The following CDH13 variants were observed in gnomAD, a reference collection of about 807,000 sequenced individuals.
CDH13 encodes cadherin 13, also known as cadherin-13.
Under a neutral mutation model 63.8 loss-of-function variants are expected in CDH13, and 24 were observed. The observed-to-expected ratio is 0.38, with a 90% CI of 0.27 to 0.53. The LOEUF is 0.53. Ranked by LOEUF, CDH13 falls within the 20% of genes least tolerant of loss-of-function variation. The probability of loss-of-function intolerance (pLI) is 0.85; values close to 1 mark genes in which losing one functional copy is unlikely to be tolerated. For missense variants in CDH13, 1,049 were observed against 903.1 expected (o/e 1.16, Z -2.07); for synonymous variants, 503 against 355.3 (o/e 1.42, Z -4.67).
chr16:83,530,942 A>G (rs866597458), intron 7 of CDH13, among the ~76,000 whole-genome samples: 1 of 152,170 alleles, frequency 6.6e-6, no homozygotes. Context: ...TTCATGTTTT[A>G]GCTTTGTGAC....
At chr16:82,639,533 G>A in intron 1 of CDH13, 1 of 1,061,690 alleles carries the variant, frequency 9.4e-7, no homozygotes, top group Non-Finnish European at 1.4e-6. Context: ...AAGAAACCCT[G>A]TTGCCTAAGT....
chr16:83,356,254 G>A (rs12921142), intron 6 of CDH13, among the ~76,000 whole-genome samples: 2,428 of 149,358 alleles, frequency 0.016, 73 homozygotes, highest in African/African-American at 0.057. Flanking sequence ...GTGTGTGTGT[G>A]TGTGTGTGTG....
intron 3 of CDH13, among the ~76,000 whole-genome samples, chr16:83,059,635 C>T (rs913389361): frequency 6.6e-6 from 1 of 152,098 alleles, no homozygotes; most frequent in Admixed American, 6.6e-5. Flanking sequence ...CATGACAAGT[C>T]AGTCAGGAGA....
intron 6 of CDH13, among the ~76,000 whole-genome samples, chr16:83,440,373 TG>T (rs2072445390): frequency 6.6e-6 from 1 of 151,988 alleles, no homozygotes; most frequent in Non-Finnish European, 1.5e-5. Context: ...GAGCTCCAAG[TG>T]GGGGCCAGAG....
chr16:83,389,786 A>G (rs1471836690), intron 6 of CDH13, among the ~76,000 whole-genome samples: 1 of 152,216 alleles, frequency 6.6e-6, no homozygotes. Context: ...CCACTTTGCC[A>G]GGTGAGTCTG....
chr16:82,685,264 C>T (rs905045984), intron 1 of CDH13, among the ~76,000 whole-genome samples: 1 of 152,142 alleles, frequency 6.6e-6, no homozygotes, highest in African/African-American at 2.4e-5. Flanking sequence ...ATCAAAGCGC[C>T]AACAGATTTA....
intron 2 of CDH13, among the ~76,000 whole-genome samples, chr16:82,863,375 G>A (rs753938389): frequency 6.6e-6 from 1 of 152,150 alleles, no homozygotes; most frequent in Non-Finnish European, 1.5e-5. Flanking sequence ...ACTAGGGGAG[G>A]GACAGCACCT....
At chr16:83,603,758 G>T (rs1598356940) in intron 8 of CDH13, among the ~76,000 whole-genome samples, 1 of 152,142 alleles carries the variant, frequency 6.6e-6, no homozygotes, top group Non-Finnish European at 1.5e-5. Flanking sequence ...TTCTCACACT[G>T]CTATAAAGAA....
chr16:82,863,038 C>T (rs12596959), intron 2 of CDH13, among the ~76,000 whole-genome samples: 13,665 of 152,242 alleles, frequency 0.09, 1,901 homozygotes, highest in East Asian at 0.69. Context: ...CTAATCATGT[C>T]GCCAACCTAA....
intron 5 of CDH13, among the ~76,000 whole-genome samples, chr16:83,251,660 A>G (rs777105483): frequency 4.6e-5 from 7 of 152,250 alleles, no homozygotes; most frequent in Non-Finnish European, 7.3e-5. Context: ...GTCTGTGGCC[A>G]TTGGCGTAGG....
chr16:83,674,288 C>T (rs922780731), intron 9 of CDH13, among the ~76,000 whole-genome samples: 8 of 152,198 alleles, frequency 5.3e-5, no homozygotes, highest in Non-Finnish European at 2.9e-5. Flanking sequence ...GCCTCAGATG[C>T]TTTTGACATT....
chr16:82,714,712 TAAAAAAAAA>T (rs71146088), intron 1 of CDH13, among the ~76,000 whole-genome samples: 125 of 30,018 alleles, frequency 4.2e-3, no homozygotes, highest in African/African-American at 0.012. Flanking sequence ...AGACTCCATC[TAAAAAAAAA>T]AAAAAAAAAA....
At chr16:83,252,776 C>T (rs996415991) in intron 5 of CDH13, among the ~76,000 whole-genome samples, 7 of 152,124 alleles carry the variant, frequency 4.6e-5, no homozygotes, top group Admixed American at 6.5e-5. Flanking sequence ...AGTATCCTAC[C>T]GTTCACAGCA....
rs1356448878 is a variant in CDH13 at position 83,062,589 on chromosome 16, G to C, written c.366+30371G>C. ...TCTATGTAACAGGAAGCAAGGAAGTGATCGTCAGAATAACTGCAAGATGAC... is the reference window on the plus strand; with the variant it reads ...TCTATGTAACAGGAAGCAAGGAAGTCATCGTCAGAATAACTGCAAGATGAC... On this transcript the variant is annotated intron_variant, in intron 3 of 13. Transcript: ENST00000567109. 2.6e-5 allele frequency among the ~76,000 whole-genome samples: 4 copies of C among 152,336 alleles called. No individual in the cohort carries two copies. The East Asian group carries it at 7.7e-4, about 29-fold the overall frequency.
Position 83,032,001 on chromosome 16 carries a change from G to C in CDH13, c.158-9G>C, listed in dbSNP as rs187937615. The C allele has an allele frequency of 1.1e-5, 18 of 1,572,408 alleles. No individual in the cohort carries two copies. The highest frequency in any genetic ancestry group is 1.4e-5 in the Non-Finnish European group (16 of 1,157,796). On this transcript the variant is annotated splice_polypyrimidine_tract_variant and intron_variant, in intron 2 of 13. Transcript: ENST00000567109. ...TCATGCTCCTTCTGTTGTTTCGTTTGTTTCCCAGTGACCTTCAGTGACTGT... is the reference window on the plus strand; with the variant it reads ...TCATGCTCCTTCTGTTGTTTCGTTTCTTTCCCAGTGACCTTCAGTGACTGT...
chr16:83,609,549 G>A (rs1182640154), intron 8 of CDH13, among the ~76,000 whole-genome samples: 3 of 152,080 alleles, frequency 2.0e-5, no homozygotes, highest in Non-Finnish European at 4.4e-5. Flanking sequence ...CTTCATTAGT[G>A]GCTTTATTAA....
intron 6 of CDH13, among the ~76,000 whole-genome samples, chr16:83,454,269 G>A (rs72806398): frequency 0.05 from 7,624 of 152,292 alleles, 235 homozygotes; most frequent in Middle Eastern, 0.071. Flanking sequence ...GCTTGTGGGT[G>A]TCTGAGAAAA....
chr16:83,515,207 G>A (rs575632480), intron 7 of CDH13, among the ~76,000 whole-genome samples: 1 of 152,298 alleles, frequency 6.6e-6, no homozygotes, highest in South Asian at 2.1e-4. Flanking sequence ...TGCCTCAGCT[G>A]GGTGGTGGGA....
intron 1 of CDH13, among the ~76,000 whole-genome samples, chr16:82,799,368 C>T (rs983995025): frequency 6.6e-6 from 1 of 152,174 alleles, no homozygotes; most frequent in African/African-American, 2.4e-5. Flanking sequence ...CAAATCACTT[C>T]CTCTTGCCAA....
Sources: gnomAD v4.1 joint callset for allele counts (sites outside exome capture counted in the v4.1 genomes callset) on GRCh38, gnomAD v4.1.1 for gene constraint, MANE v1.5 for transcripts, NCBI Gene and HGNC (gene_info 2026-07-23, HGNC 2026-07-21) for gene names.